The following UNC13A variants were observed in gnomAD, a reference collection of about 807,000 sequenced individuals.
The protein encoded by UNC13A is protein unc-13 homolog A.
In UNC13A, 61 loss-of-function variants were observed where a neutral mutation model predicts 219.7. That is an observed-to-expected ratio of 0.28 (90% confidence interval 0.23 to 0.34). The LOEUF (loss-of-function observed/expected upper bound fraction) is 0.34. Among genes scored for constraint, UNC13A ranks in the 10% least tolerant of loss-of-function variants. The probability of loss-of-function intolerance (pLI) is 1.00; values close to 1 mark genes in which losing one functional copy is unlikely to be tolerated. For synonymous variants in UNC13A, 920 were observed against 884.6 expected, an observed-to-expected ratio of 1.04 and a Z score of -0.71; for missense variants, 1,476 against 2,270.3, an observed-to-expected ratio of 0.65 and a Z score of 7.11.
At chr19:17,669,188 GTC>G (rs888290531) in intron 5 of UNC13A, among the ~76,000 whole-genome samples, 2 of 152,168 alleles carry the variant, frequency 1.3e-5, no homozygotes, top group Non-Finnish European at 2.9e-5. Context: ...CTGTCTACAT[GTC>G]TCTCTCTGTC....
intron 12 of UNC13A, among the ~76,000 whole-genome samples, chr19:17,650,198 A>C (rs2079317230): frequency 6.6e-6 from 1 of 152,198 alleles, no homozygotes; most frequent in South Asian, 2.1e-4. Context: ...GAATTAAGGC[A>C]AATCTAAATA....
intron 37 of UNC13A, 77 bp downstream of exon 37, chr19:17,621,755 T>C: frequency 6.6e-7 from 1 of 1,524,778 alleles, no homozygotes; most frequent in South Asian, 1.1e-5. Context: ...CCTGCCCAGG[T>C]GCACAGACGC....
chr19:17,655,632 T>G (rs1178982305), intron 10 of UNC13A, among the ~76,000 whole-genome samples: 4 of 149,722 alleles, frequency 2.7e-5, no homozygotes, highest in Admixed American at 1.3e-4. Flanking sequence ...GGCCCCCCAT[T>G]TGCCCAGGAT....
chr19:17,640,469 T>C (rs1254532800), intron 22 of UNC13A, 42 bp downstream of exon 22: 2 of 1,529,490 alleles, frequency 1.3e-6, no homozygotes, highest in African/African-American at 1.4e-5. Context: ...GGCATAAAGT[T>C]GGGCTCTCCC....
At chr19:17,679,675 TG>T (rs1226617265) in intron 1 of UNC13A, among the ~76,000 whole-genome samples, 14 of 151,934 alleles carry the variant, frequency 9.2e-5, no homozygotes, top group Non-Finnish European at 1.9e-4. Flanking sequence ...AGTAGCTCCT[TG>T]ATCTGTTCTC....
At chr19:17,639,602 C>G in intron 23 of UNC13A, 77 bp from the exon 24 acceptor site, 1 of 1,480,344 alleles carries the variant, frequency 6.8e-7, no homozygotes, top group Non-Finnish European at 9.2e-7. Flanking sequence ...CAGGGGGATA[C>G]AAAGGCTCCC....
At chr19:17,676,081 A>T (rs766042352) in intron 1 of UNC13A, 40 bp from the exon 2 acceptor site, 14 of 1,547,428 alleles carry the variant, frequency 9.0e-6, no homozygotes, top group Non-Finnish European at 1.2e-5. Flanking sequence ...AGGTGGGGAG[A>T]GATGTGGGGA....
Position 17,648,921 on chromosome 19 carries a change from G to A in UNC13A, c.1587C>T (p.Asn529=). ...GAGGTGCCCCACGCACCAGCTCCTC[G>A]TTGTTCAACGTGCTGGAGGCCAAGG... ...TSALASSTLN[N]EELKNHVYKK... Residue 529 remains asparagine (N), a synonymous_variant, in exon 15 of 44, where the codon AAC becomes AAT. Coordinates refer to ENST00000519716, the MANE Select transcript of UNC13A (RefSeq NM_001080421.3). 5 of 1,598,686 alleles carry A rather than the reference G, an allele frequency of 3.1e-6. No homozygotes were observed. The Middle Eastern group carries it at 5.0e-4, about 159-fold the overall frequency.
Position 17,636,136 on chromosome 19 carries a change from G to A in UNC13A, c.3103C>T (p.Pro1035Ser). The change falls in exon 26 of 44, where the codon CCA becomes TCA. Residue 1035 changes from proline (P) to serine (S), a missense_variant. Around this residue, in one of 14 missense-constraint regions of UNC13A, gnomAD observed 24 missense variants for 16.0 expected, o/e 1.50. Transcript: ENST00000519716. ...TDPAKKGEVLPEEQGPSIKNL... is the reference protein window; with the variant it reads ...TDPAKKGEVLSEEQGPSIKNL... ...TTGATGCTGGGCCCCTGTTCCTCTG[G>A]GAGAACTTCCCCCTTCTTGGCCTGA... The A allele has an allele frequency of 1.2e-6, 2 of 1,603,666 alleles. No individual in the cohort carries two copies. The highest frequency in any genetic ancestry group is 8.5e-7 in the Non-Finnish European group (1 of 1,174,800).
At chr19:17,676,837 A>C (rs753973994) in intron 1 of UNC13A, among the ~76,000 whole-genome samples, 1 of 152,154 alleles carries the variant, frequency 6.6e-6, no homozygotes, top group Non-Finnish European at 1.5e-5. Context: ...AACATGGTGA[A>C]TCCTTGTCTC....
chr19:17,611,760 C>T lies in UNC13A; in HGVS notation c.4651+3G>A. ...CAAGTCCCTCCCACCTCAGACCACT[C>T]ACCTTTCACTGTGACCTTGTGTTCC... On this transcript the variant is annotated splice_donor_region_variant and intron_variant, in intron 42 of 43. Transcript: ENST00000519716. 1 of 1,613,904 alleles carries T rather than the reference C, an allele frequency of 6.2e-7. No homozygotes were observed. The highest frequency in any genetic ancestry group is 8.5e-7 in the Non-Finnish European group (1 of 1,179,804).
chr19:17,656,214 C>T lies in UNC13A; in HGVS notation c.952G>A (p.Asp318Asn). 1 of 1,552,194 alleles carries T rather than the reference C, an allele frequency of 6.4e-7. No individual in the cohort carries two copies. The highest frequency in any genetic ancestry group is 2.4e-5 in the East Asian group (1 of 40,936). ...VSYHKDSPRW[D>N]QDEEELEEDL... is the part of the protein sequence containing the mutation. Reference sequence around the variant, plus strand: ...TCCTCCAGCTCTTCCTCATCCTGGTCCCAGCGAGGCGAGTCTTTGTGGTAG... The same window carrying T: ...TCCTCCAGCTCTTCCTCATCCTGGTTCCAGCGAGGCGAGTCTTTGTGGTAG... The change falls in exon 10 of 44, where the codon GAC becomes AAC. Residue 318 changes from aspartate (D) to asparagine (N), a missense_variant. By Grantham distance (23) the Asp-to-Asn change is conservative. This residue lies in a region of UNC13A where 351 missense variants were observed against 342.6 expected (regional missense o/e 1.02). Coordinates refer to ENST00000519716, the MANE Select transcript of UNC13A (RefSeq NM_001080421.3).
chr19:17,670,313 T>C (rs1280389466), intron 4 of UNC13A, among the ~76,000 whole-genome samples: 5 of 151,728 alleles, frequency 3.3e-5, no homozygotes, highest in African/African-American at 1.2e-4. Context: ...TGATCTCAGC[T>C]CACTGCAACC....
chr19:17,645,583 A>G (rs1469995736), intron 19 of UNC13A, 91 bp downstream of exon 19: 1 of 1,554,400 alleles, frequency 6.4e-7, no homozygotes, highest in African/African-American at 1.4e-5. Flanking sequence ...ACTCCTCCTG[A>G]GAACACATCT....
In UNC13A at chr19:17,618,456, A is replaced by T; in HGVS notation, c.4375T>A (p.Cys1459Ser). ...TCCAGGGCCAACTCAACAACCGCGC[A>T]CTGCTTTGGGGTCAAGCTCTTGGCT... ...EEAKSLTPKQ[C>S]AVVELALDTI... Residue 1459 changes from cysteine to serine, a missense_variant, in exon 40 of 44, where the codon TGC becomes AGC. This residue lies in a region of UNC13A where 75 missense variants were observed against 100.2 expected (regional missense o/e 0.75). Transcript: ENST00000519716. 1 of 1,592,620 alleles carries T rather than the reference A, an allele frequency of 6.3e-7. No homozygotes were observed. The highest frequency in any genetic ancestry group is 8.6e-7 in the Non-Finnish European group (1 of 1,169,382).
chr19:17,619,148 G>A (rs1006261014), intron 38 of UNC13A, 186 bp from the exon 39 acceptor site: 34 of 604,828 alleles, frequency 5.6e-5, no homozygotes, highest in African/African-American at 1.3e-4. Context: ...TGAAAATCCC[G>A]GTCCTGTGAG....
intron 34 of UNC13A, chr19:17,626,172 TC>T (rs1447886054): frequency 6.7e-6 from 1 of 148,832 alleles, no homozygotes; most frequent in African/African-American, 2.7e-5. Context: ...CATCCATCCA[TC>T]CATCCATCCA....
chr19:17,606,442 CGCCCACACCGGGGT>C (rs918705815), intron 43 of UNC13A, 88 bp from the exon 44 acceptor site: 5 of 1,478,246 alleles, frequency 3.4e-6, no homozygotes, highest in African/African-American at 1.4e-5. Flanking sequence ...TTGCGGGCCA[CGCCCACACCGGGGT>C]GCCCACACCT....
chr19:17,673,141 T>G (rs2049275709), intron 3 of UNC13A, among the ~76,000 whole-genome samples: 1 of 152,056 alleles, frequency 6.6e-6, no homozygotes, highest in Admixed American at 6.6e-5. Context: ...GCGGATCACC[T>G]GAGGTTGGGA....
Sources: gnomAD v4.1 joint callset for allele counts (sites outside exome capture counted in the v4.1 genomes callset) on GRCh38, gnomAD v4.1.1 for gene constraint, gnomAD v4.1.1 regional missense constraint, MANE v1.5 for transcripts, NCBI Gene and HGNC (gene_info 2026-07-23, HGNC 2026-07-21) for gene names.